STARD13: variants seen among roughly 807,000 people sequenced by gnomAD.
STARD13 encodes StAR related lipid transfer domain containing 13, also known as stAR-related lipid transfer protein 13.
STARD13 carries 62 observed loss-of-function variants against 106.4 expected under a neutral mutation model. The ratio of observed to expected loss-of-function variants is 0.58; its 90% CI spans 0.48 to 0.72. The LOEUF is 0.72. Ranked by LOEUF, STARD13 falls within the 30% of genes least tolerant of loss-of-function variation. The pLI, the probability that STARD13 is intolerant of heterozygous loss-of-function variation, is 0.00. For synonymous variants in STARD13, 565 were observed against 553.0 expected (o/e 1.02, Z -0.31); for missense variants, 1,387 against 1,424.0 (o/e 0.97, Z 0.42).
the STARD13 span, among the ~76,000 whole-genome samples, chr13:33,379,558 T>A: frequency 2.6e-5 from 4 of 152,246 alleles, no homozygotes; most frequent in African/African-American, 9.6e-5. Context: ...AATTGCCTGT[T>A]CTCTCACTGG....
At chr13:33,669,736 A>G in the STARD13 span, among the ~76,000 whole-genome samples, 1 of 151,042 alleles carries the variant, frequency 6.6e-6, no homozygotes, top group Non-Finnish European at 1.5e-5. Flanking sequence ...GGGTTTCATC[A>G]TTTTGGCTAG....
Position 33,129,708 on chromosome 13 carries a change from G to T in STARD13, c.969C>A (p.Leu323=), listed in dbSNP as rs949879537. 8.7e-6 allele frequency: 14 copies of T among 1,613,992 alleles called. No individual in the cohort carries two copies. The highest frequency in any genetic ancestry group is 8.3e-5 in the Admixed American group (5 of 60,000). The change falls in exon 5 of 14, where the codon CTC becomes CTA. Residue 323 remains leucine (L), a synonymous_variant. Coordinates refer to ENST00000336934, the MANE Select transcript of STARD13 (RefSeq NM_178006.4). ...NSPPPACRKG[L]PCSGKSSGES... is the part of the protein sequence containing the mutation. The stretch of plus-strand genomic sequence containing the variant: ...CGCCACTCGACTTGCCAGAGCATGG[G>T]AGCCCTTTTCTGCAGGCAGGTGGCG...
chr13:33,214,347 C>A (rs1163092874), intron 1 of STARD13, among the ~76,000 whole-genome samples: 23 of 152,200 alleles, frequency 1.5e-4, no homozygotes, highest in Non-Finnish European at 1.5e-5. Context: ...GTCTAGGAAT[C>A]CTAAGCTCCT....
In STARD13 at chr13:33,165,159, T is replaced by C. The variant is rs149375098; in HGVS notation, c.323+178A>G. Among the ~76,000 whole-genome samples the C allele has an allele frequency of 2.5e-4, 38 of 152,296 alleles. No homozygotes were observed. In the East Asian group the frequency reaches 6.2e-3, roughly 25 times the overall value. On this transcript the variant is annotated intron_variant, in intron 3 of 13. Coordinates refer to ENST00000336934, the MANE Select transcript of STARD13 (RefSeq NM_178006.4). ...GGCCCCTGCTAGGATTTAAGCTCCA[T>C]GAAAACACAAACTGATCATGCTCAT... is the stretch of plus-strand genomic sequence containing the variant.
the STARD13 span, among the ~76,000 whole-genome samples, chr13:33,491,642 TG>T: frequency 6.6e-6 from 1 of 152,178 alleles, no homozygotes; most frequent in Non-Finnish European, 1.5e-5. Context: ...CATAAAAAAA[TG>T]GTTTATAAAC....
chr13:33,575,079 G>A, the STARD13 span, among the ~76,000 whole-genome samples: 11 of 151,826 alleles, frequency 7.2e-5, no homozygotes, highest in Non-Finnish European at 8.8e-5. Context: ...ACCATACCTG[G>A]CTAATTTTTG....
chr13:33,233,993 A>G (rs1889060944), intron 1 of STARD13, among the ~76,000 whole-genome samples: 1 of 152,228 alleles, frequency 6.6e-6, no homozygotes, highest in African/African-American at 2.4e-5. Flanking sequence ...GGGCCAAGAA[A>G]AATCCTGCAT....
the STARD13 span, among the ~76,000 whole-genome samples, chr13:33,462,680 G>C: frequency 6.6e-6 from 1 of 152,198 alleles, no homozygotes; most frequent in African/African-American, 2.4e-5. Context: ...GACGTTCAAG[G>C]GCAGGAAGCG....
the STARD13 span, among the ~76,000 whole-genome samples, chr13:33,599,942 G>A: frequency 1.3e-5 from 2 of 152,096 alleles, no homozygotes; most frequent in African/African-American, 4.8e-5. Context: ...TGTTACTTAC[G>A]AATTACAAAT....
At chr13:33,374,735 A>G in the STARD13 span, among the ~76,000 whole-genome samples, 1 of 152,146 alleles carries the variant, frequency 6.6e-6, no homozygotes, top group Non-Finnish European at 1.5e-5. Context: ...AGTGACCCAT[A>G]CAAACAAAGC....
the STARD13 span, among the ~76,000 whole-genome samples, chr13:33,544,761 G>GT: frequency 2.2e-5 from 3 of 137,868 alleles, no homozygotes; most frequent in Non-Finnish European, 4.7e-5. Flanking sequence ...TTTTTTTGTT[G>GT]TTTTTTCTCT....
the STARD13 span, among the ~76,000 whole-genome samples, chr13:33,516,570 T>C: frequency 2.6e-5 from 4 of 152,148 alleles, no homozygotes; most frequent in African/African-American, 9.7e-5. Flanking sequence ...CTCTCTGACT[T>C]AGATTCTATA....
the STARD13 span, among the ~76,000 whole-genome samples, chr13:33,508,160 C>T: frequency 6.6e-6 from 1 of 152,326 alleles, no homozygotes; most frequent in South Asian, 2.1e-4. Context: ...CTGCCATTCT[C>T]ACTGCAAGTG....
chr13:33,259,782 C>T (rs1236516388), intron 1 of STARD13, among the ~76,000 whole-genome samples: 1 of 152,086 alleles, frequency 6.6e-6, no homozygotes, highest in Non-Finnish European at 1.5e-5. Flanking sequence ...ACTTCCTAGG[C>T]AATGATGACC....
At chr13:33,119,318 T>C (rs1277136063) in intron 7 of STARD13, among the ~76,000 whole-genome samples, 1 of 152,218 alleles carries the variant, frequency 6.6e-6, no homozygotes, top group Non-Finnish European at 1.5e-5. Context: ...CAGTGGCTCA[T>C]GGGTTGGCCC....
At chr13:33,566,750 T>C in the STARD13 span, among the ~76,000 whole-genome samples, 1 of 147,744 alleles carries the variant, frequency 6.8e-6, no homozygotes, top group Admixed American at 7.0e-5. Flanking sequence ...TTTATAGAAT[T>C]AGGCAGTATG....
chr13:33,401,689 C>T, the STARD13 span, among the ~76,000 whole-genome samples: 32 of 152,188 alleles, frequency 2.1e-4, no homozygotes, highest in African/African-American at 7.5e-4. Context: ...TCTCCATTTT[C>T]TCTCTCAGAC....
chr13:33,333,948 C>CA (rs1392443776), intron 1 of STARD13: 4 of 152,152 alleles, frequency 2.6e-5, no homozygotes, highest in Admixed American at 1.3e-4. Context: ...TGACCTGCAA[C>CA]AGGTGAATTT....
At chr13:33,421,855 T>A in the STARD13 span, among the ~76,000 whole-genome samples, 1 of 152,188 alleles carries the variant, frequency 6.6e-6, no homozygotes, top group East Asian at 1.9e-4. Flanking sequence ...CATATGATTA[T>A]CTCAATAGAT....
Sources: allele counts gnomAD v4.1 joint callset (sites outside exome capture counted in the v4.1 genomes callset), GRCh38; gene constraint gnomAD v4.1.1; transcripts MANE v1.5; gene names NCBI Gene and HGNC (gene_info 2026-07-23, HGNC 2026-07-21).